RIPOR2: variants seen among roughly 807,000 people sequenced by gnomAD.
The protein encoded by RIPOR2 is rho family-interacting cell polarization regulator 2.
In RIPOR2, 39 loss-of-function variants were observed where a neutral mutation model predicts 114.5. That is an observed-to-expected ratio of 0.34 (90% CI 0.26 to 0.44). The LOEUF (loss-of-function observed/expected upper bound fraction) is 0.44, where lower values mean the gene tolerates loss of function less well. Among genes scored for constraint, RIPOR2 ranks in the 20% least tolerant of loss-of-function variants. The probability of loss-of-function intolerance (pLI) is 1.00; values close to 1 mark genes in which losing one functional copy is unlikely to be tolerated. For missense variants in RIPOR2, 1,007 were observed against 1,255.1 expected (o/e 0.80, Z 2.99); for synonymous variants, 445 against 484.4 (o/e 0.92, Z 1.07).
intron 3 of RIPOR2, 49 bp downstream of exon 3, chr6:24,873,595 G>A (rs186979636): frequency 4.3e-5 from 66 of 1,541,846 alleles, no homozygotes; most frequent in Admixed American, 3.7e-4. Flanking sequence ...GCTTTTCTCT[G>A]ACCCCTTGGG....
chr6:25,023,477 G>A (rs1295795277), intron 1 of RIPOR2: 10 of 768,246 alleles, frequency 1.3e-5, no homozygotes, highest in Non-Finnish European at 1.9e-5. Flanking sequence ...CTAGGACTTG[G>A]CGATGCAGTG....
chr6:24,954,374 C>T (rs1772927353), intron 1 of RIPOR2, among the ~76,000 whole-genome samples: 2 of 151,590 alleles, frequency 1.3e-5, no homozygotes, highest in African/African-American at 4.8e-5. Context: ...CACAGCAGGG[C>T]AGGTGAGGAT....
chr6:24,964,725 A>T (rs1773451242), intron 1 of RIPOR2, among the ~76,000 whole-genome samples: 1 of 152,240 alleles, frequency 6.6e-6, no homozygotes, highest in South Asian at 2.1e-4. Flanking sequence ...TAATTTCCCA[A>T]GTGGATATAC....
chr6:25,017,420 T>G (rs1427043917), intron 1 of RIPOR2, among the ~76,000 whole-genome samples: 1 of 152,262 alleles, frequency 6.6e-6, no homozygotes, highest in Non-Finnish European at 1.5e-5. Context: ...CCTGCTTTTT[T>G]CTGTTGCCTG....
At chr6:24,892,969 C>A (rs949037236) in intron 1 of RIPOR2, among the ~76,000 whole-genome samples, 31 of 152,120 alleles carry the variant, frequency 2.0e-4, no homozygotes, top group African/African-American at 6.5e-4. Context: ...TAGTTTGAGG[C>A]TACAGTGAGT....
intron 19 of RIPOR2, among the ~76,000 whole-genome samples, chr6:24,824,731 T>C (rs79756951): frequency 0.023 from 3,437 of 152,320 alleles, 124 homozygotes; most frequent in African/African-American, 0.072. Context: ...TCATAAGACA[T>C]GCCTGTGTGC....
chr6:24,993,689 A>G (rs535150590), intron 1 of RIPOR2, among the ~76,000 whole-genome samples: 1 of 152,388 alleles, frequency 6.6e-6, no homozygotes, highest in African/African-American at 2.4e-5. Context: ...GAGGTCTTCA[A>G]ACTGTGACCT....
chr6:24,809,743 A>G lies in RIPOR2; in HGVS notation c.3017T>C (p.Val1006Ala), dbSNP rs1781016378. The part of the protein sequence containing the change: ...CQSDTEEIRN[V>A]ASETLLSLGE... Reference sequence around the variant, plus strand: ...CAGAGACAAGAGGGTTTCTGAGGCCACATTTCTGATTTCTTCAGTATCAGA... The same window carrying G: ...CAGAGACAAGAGGGTTTCTGAGGCCGCATTTCTGATTTCTTCAGTATCAGA... Residue 1006 changes from valine (V) to alanine (A), a missense_variant, in exon 21 of 22, where the codon GTG (valine) becomes GCG (alanine). Coordinates refer to ENST00000643898, the MANE Select transcript of RIPOR2 (RefSeq NM_001286445.3). 9.0e-6 allele frequency: 14 copies of G among 1,550,658 alleles called. No homozygotes were observed. The highest frequency in any genetic ancestry group is 1.2e-5 in the Non-Finnish European group (14 of 1,146,004).
chr6:24,850,793 A>C, intron 9 of RIPOR2, 71 bp from the exon 10 acceptor site: 1 of 1,563,220 alleles, frequency 6.4e-7, no homozygotes, highest in Non-Finnish European at 8.8e-7. Flanking sequence ...CCAAGATCAA[A>C]AGGAGAAAGA....
intron 21 of RIPOR2, among the ~76,000 whole-genome samples, chr6:24,809,345 C>T (rs1780983852): frequency 6.6e-6 from 1 of 152,160 alleles, no homozygotes; most frequent in East Asian, 1.9e-4. Flanking sequence ...TCTCTGGTAC[C>T]TCACCCAATT....
intron 1 of RIPOR2, among the ~76,000 whole-genome samples, chr6:24,959,100 G>A (rs1449267423): frequency 6.6e-6 from 1 of 151,934 alleles, no homozygotes; most frequent in East Asian, 1.9e-4. Flanking sequence ...ACAGGCATGA[G>A]CCACTGCACG....
chr6:24,885,058 T>C (rs1057459722), intron 1 of RIPOR2, among the ~76,000 whole-genome samples: 3 of 152,184 alleles, frequency 2.0e-5, no homozygotes, highest in African/African-American at 7.2e-5. Context: ...CAGGATGCTA[T>C]GTGTTGTCCA....
intron 15 of RIPOR2, among the ~76,000 whole-genome samples, chr6:24,834,838 G>C (rs1435614667): frequency 6.6e-6 from 1 of 151,950 alleles, no homozygotes; most frequent in African/African-American, 2.4e-5. Context: ...TGACCAGGCT[G>C]GTCTCAAACT....
intron 1 of RIPOR2, among the ~76,000 whole-genome samples, chr6:24,966,141 G>A (rs1234198596): frequency 6.6e-6 from 1 of 152,178 alleles, no homozygotes; most frequent in Non-Finnish European, 1.5e-5. Flanking sequence ...CTATAGAGAA[G>A]GAACAGAAGC....
At chr6:24,926,086 T>C (rs1379240692) in intron 1 of RIPOR2, among the ~76,000 whole-genome samples, 1 of 152,244 alleles carries the variant, frequency 6.6e-6, no homozygotes, top group East Asian at 1.9e-4. Flanking sequence ...AAAATCTTAA[T>C]TGCTGTCCTA....
chr6:24,888,807 C>G (rs1002925983), intron 1 of RIPOR2, among the ~76,000 whole-genome samples: 2 of 152,170 alleles, frequency 1.3e-5, no homozygotes, highest in Non-Finnish European at 2.9e-5. Context: ...TTCTGTCCAT[C>G]CTAACAAGTA....
chr6:24,901,200 C>T (rs143433757), intron 1 of RIPOR2, among the ~76,000 whole-genome samples: 134 of 152,298 alleles, frequency 8.8e-4, no homozygotes, highest in African/African-American at 2.7e-3. Context: ...GTCCCCTACA[C>T]GAAAAACTAT....
At chr6:24,877,998 G>T (rs1765969042) in intron 1 of RIPOR2, among the ~76,000 whole-genome samples, 1 of 152,150 alleles carries the variant, frequency 6.6e-6, no homozygotes, top group African/African-American at 2.4e-5. Context: ...ACTGGGATGA[G>T]TCAGGATGAA....
chr6:24,970,240 G>A (rs1010679864), intron 1 of RIPOR2, among the ~76,000 whole-genome samples: 1 of 152,140 alleles, frequency 6.6e-6, no homozygotes, highest in African/African-American at 2.4e-5. Context: ...ACCATGTGAG[G>A]TATGTGGTGT....
Sources: gnomAD v4.1 joint callset for allele counts (sites outside exome capture counted in the v4.1 genomes callset) on GRCh38, gnomAD v4.1.1 for gene constraint, MANE v1.5 for transcripts, NCBI Gene and HGNC (gene_info 2026-07-23, HGNC 2026-07-21) for gene names.